KLF5: variants seen among roughly 807,000 people sequenced by gnomAD.
KLF5 encodes the protein KLF transcription factor 5, also known as Krueppel-like factor 5.
KLF5 carries 9 observed loss-of-function variants against 36.9 expected under a neutral mutation model. The observed-to-expected ratio is 0.24, with a 90% CI of 0.15 to 0.43. KLF5 has a LOEUF of 0.43. Ranked by LOEUF, KLF5 falls within the 20% of genes least tolerant of loss-of-function variation. KLF5 has a pLI of 1.00. For missense variants in KLF5, 524 were observed against 599.5 expected (o/e 0.87, Z 1.31); for synonymous variants, 246 against 241.7 (o/e 1.02, Z -0.17).
chr13:73,063,382 A>C (rs895108668), intron 2 of KLF5, among the ~76,000 whole-genome samples: 1 of 152,220 alleles, frequency 6.6e-6, no homozygotes, highest in African/African-American at 2.4e-5. Context: ...TACATGGCAA[A>C]ATTTATTGAC....
chr13:73,074,642 T>A (rs908421387), intron 3 of KLF5, among the ~76,000 whole-genome samples: 3 of 152,114 alleles, frequency 2.0e-5, no homozygotes, highest in African/African-American at 7.2e-5. Context: ...ATTATGAATA[T>A]TTAGTGGTTT....
chr13:73,061,346 A>G (rs2044633387), intron 1 of KLF5, among the ~76,000 whole-genome samples: 1 of 152,204 alleles, frequency 6.6e-6, no homozygotes, highest in Non-Finnish European at 1.5e-5. Context: ...ATATTTTTAT[A>G]TTACTTTTGA....
intron 3 of KLF5, 104 bp from the exon 4 acceptor site, chr13:73,075,604 C>A (rs1038853225): frequency 1.0e-6 from 1 of 977,198 alleles, no homozygotes; most frequent in South Asian, 2.0e-5. Flanking sequence ...TTCCTTCTTT[C>A]GCTTGGCCAA....
chr13:73,059,779 GGGGGGGCCGGGGGT>G, intron 1 of KLF5, 191 bp downstream of exon 1: 1 of 740,714 alleles, frequency 1.4e-6, no homozygotes, highest in Non-Finnish European at 1.7e-6. Flanking sequence ...GTAAATGGGG[GGGGGGGCCGGGGGT>G]GGGAAGGATG....
chr13:73,059,196 C>A lies in KLF5; in HGVS notation c.-132C>A. The stretch of plus-strand genomic sequence containing the variant: ...GCGCGCCTTCGAAAACTGCCTGCCG[C>A]TGTCTGAGGAGTCCACCCGAAACCT... On this transcript the variant is annotated 5_prime_UTR_variant, in exon 1 of 4. It adds an upstream start codon to the 5' untranslated region. Transcript: ENST00000377687. 1 of 822,616 alleles carries A rather than the reference C, an allele frequency of 1.2e-6. No homozygotes were observed. Among genetic ancestry groups the A allele is most frequent in the Non-Finnish European group, 1.6e-6 (1 of 610,478 alleles). 51.0% of individuals were successfully genotyped at this position (822,616 alleles called of 1,614,324 possible). A position where few individuals can be genotyped will look rare whatever the true frequency, so the allele number is the denominator to read the frequency against.
chr13:73,069,373 C>A (rs1457440753), intron 3 of KLF5, among the ~76,000 whole-genome samples: 6 of 152,098 alleles, frequency 3.9e-5, no homozygotes, highest in Admixed American at 2.6e-4. Flanking sequence ...CAGGCAAAAT[C>A]TTTTTTGCAG....
chr13:73,056,968 G>T (rs779615823), upstream of KLF5, among the ~76,000 whole-genome samples: 1 of 151,778 alleles, frequency 6.6e-6, no homozygotes, highest in South Asian at 2.1e-4. Flanking sequence ...TTTTGTAAAT[G>T]AAAGCATGTT....
intron 1 of KLF5, chr13:73,059,871 A>G: frequency 2.1e-6 from 2 of 933,636 alleles, no homozygotes; most frequent in Middle Eastern, 5.5e-4. Flanking sequence ...GCTCACGCGC[A>G]CCTTAGTTGT....
upstream of KLF5, chr13:73,055,290 A>G (rs2044576864): frequency 6.6e-6 from 1 of 152,238 alleles, no homozygotes; most frequent in South Asian, 2.1e-4. Context: ...TTAAAAATCC[A>G]AACTGAAATA....
At chr13:73,075,335 G>A (rs1394608001) in intron 3 of KLF5, among the ~76,000 whole-genome samples, 1 of 152,066 alleles carries the variant, frequency 6.6e-6, no homozygotes, top group Non-Finnish European at 1.5e-5. Context: ...TATAGAAACT[G>A]TATTTGCACA....
In KLF5 at chr13:73,062,645, T is replaced by C; in HGVS notation, c.1046T>C (p.Val349Ala). ...HNPNLPTTLP[V>A]NSQNIQPVRY... ...CCAAATTTACCCACCACCCTGCCAG[T>C]TAACTCACAAAACATCCAACCTGTC... The change falls in exon 2 of 4, where the codon GTT becomes GCT. Residue 349 changes from valine (V) to alanine (A), a missense_variant. By Grantham distance (64) the Val-to-Ala change is moderately conservative. Around this residue, in one of 4 missense-constraint regions of KLF5, gnomAD observed 454 missense variants for 458.1 expected, o/e 0.99. Transcript: ENST00000377687. The C allele has an allele frequency of 6.2e-7, 1 of 1,614,176 alleles. No individual in the cohort carries two copies. Among genetic ancestry groups the C allele is most frequent in the African/African-American group, 1.3e-5 (1 of 75,052 alleles).
chr13:73,073,516 AC>A (rs1164983542), intron 3 of KLF5, among the ~76,000 whole-genome samples: 3 of 152,066 alleles, frequency 2.0e-5, no homozygotes, highest in African/African-American at 4.8e-5. Flanking sequence ...AAAATAGTGA[AC>A]AAAAAGAGTC....
Position 73,076,801 on chromosome 13 carries a change from T to G in KLF5, c.*915T>G, listed in dbSNP as rs910879153. On this transcript the variant is annotated 3_prime_UTR_variant, in exon 4 of 4. Transcript: ENST00000377687. ...GGACTTAGGGTGTCGTTTTCACATA[T>G]GACAATGTTGCATTTATGATGCAGT... The G allele has an allele frequency of 2.0e-5, 3 of 152,218 alleles. No individual in the cohort carries two copies. The highest frequency in any genetic ancestry group is 2.9e-5 in the Non-Finnish European group (2 of 68,030). The allele number at this position is 152,218 out of a possible 1,614,324, so 9.4% of individuals were successfully genotyped here.
chr13:73,066,278 C>T (rs1443828896), intron 3 of KLF5, among the ~76,000 whole-genome samples: 4 of 151,398 alleles, frequency 2.6e-5, no homozygotes, highest in African/African-American at 9.7e-5. Flanking sequence ...CCACCCTGCC[C>T]GCCTGTTGTT....
chr13:73,074,440 C>G (rs1427702953), intron 3 of KLF5, among the ~76,000 whole-genome samples: 1 of 152,050 alleles, frequency 6.6e-6, no homozygotes. Flanking sequence ...ATATAAAACT[C>G]AGCAGTAAGC....
intron 3 of KLF5, among the ~76,000 whole-genome samples, chr13:73,075,453 A>G (rs1017165475): frequency 1.3e-5 from 2 of 152,160 alleles, no homozygotes; most frequent in African/African-American, 2.4e-5. Flanking sequence ...TAAAATTGTT[A>G]TTCTTCAGTT....
Position 73,059,528 on chromosome 13 carries a change from C to A in KLF5, c.201C>A (p.Ala67=). ...RPQAQPAPAQ[A]PQPAQPPATG... The stretch of plus-strand genomic sequence containing the variant: ...AGGCGCAGCCCGCGCCCGCGCAGGC[C>A]CCGCAGCCGGCCCAGCCGCCCGCCA... Residue 67 remains alanine, a synonymous_variant, in exon 1 of 4, where the codon GCC becomes GCA. Coordinates refer to ENST00000377687, the MANE Select transcript of KLF5 (RefSeq NM_001730.5). 2.5e-6 allele frequency: 3 copies of A among 1,196,972 alleles called. No individual in the cohort carries two copies. Among genetic ancestry groups the A allele is most frequent in the Non-Finnish European group, 3.1e-6 (3 of 969,456 alleles). The allele number at this position is 1,196,972 out of a possible 1,614,324, so 74.1% of individuals were successfully genotyped here.
At chr13:73,074,056 A>AGGAAGTAT (rs2044741485) in intron 3 of KLF5, among the ~76,000 whole-genome samples, 1 of 152,198 alleles carries the variant, frequency 6.6e-6, no homozygotes, top group African/African-American at 2.4e-5. Flanking sequence ...GAGAGAAGAG[A>AGGAAGTAT]GGAAGTATGG....
rs767929083 is a variant in KLF5, at chr13:73,061,866, A to G, written c.267A>G (p.Arg89=). The G allele has an allele frequency of 1.2e-6, 2 of 1,608,316 alleles. No homozygotes were observed. Among genetic ancestry groups the G allele is most frequent in the Admixed American group, 3.3e-5 (2 of 59,744 alleles). The change falls in exon 2 of 4, where the codon AGA becomes AGG. Residue 89 remains arginine (R), a synonymous_variant. Transcript: ENST00000377687. ...RLPPEDLVQT[R]CEMEKYLTPQ... ...TTATATCTCTTCTTTTTTAGACAAG[A>G]TGTGAAATGGAGAAGTATCTGACAC...
Sources: allele counts gnomAD v4.1 joint callset (sites outside exome capture counted in the v4.1 genomes callset), GRCh38; gene constraint gnomAD v4.1.1; regional missense constraint gnomAD v4.1.1; transcripts MANE v1.5; gene names NCBI Gene and HGNC (gene_info 2026-07-23, HGNC 2026-07-21).